Variants in CIB3 observed in about 807,000 individuals in gnomAD.
CIB3 encodes calcium and integrin-binding family member 3.
CIB3 carries 22 observed loss-of-function variants against 23.4 expected under a neutral mutation model. The ratio of observed to expected loss-of-function variants is 0.94; its 90% CI spans 0.67 to 1.34. CIB3 has a LOEUF of 1.34. Among genes scored for constraint, CIB3 ranks in the 40% most tolerant of loss-of-function variants. The pLI, the probability that CIB3 is intolerant of heterozygous loss-of-function variation, is 0.00. For synonymous variants in CIB3, 93 were observed against 95.8 expected (o/e 0.97, Z 0.17); for missense variants, 258 against 247.3 (o/e 1.04, Z -0.29).
intron 2 of CIB3, among the ~76,000 whole-genome samples, chr19:16,169,956 C>T (rs926501957): frequency 4.6e-5 from 7 of 152,146 alleles, no homozygotes; most frequent in African/African-American, 1.4e-4. Flanking sequence ...CACCCTGCCA[C>T]GCCCGGCTAA....
At chr19:16,169,923 C>T (rs548073715) in intron 2 of CIB3, among the ~76,000 whole-genome samples, 182 bp from the exon 3 acceptor site, 3 of 152,184 alleles carry the variant, frequency 2.0e-5, no homozygotes, top group Non-Finnish European at 4.4e-5. Flanking sequence ...CCTCAGCCTC[C>T]CAAGTAGCTG....
At chr19:16,171,195 G>GA (rs568905581) in intron 2 of CIB3, among the ~76,000 whole-genome samples, 5 of 150,978 alleles carry the variant, frequency 3.3e-5, no homozygotes, top group Non-Finnish European at 5.9e-5. Flanking sequence ...AAGAAAGAAA[G>GA]AAAAAAAAGG....
Position 16,168,124 on chromosome 19 carries a change from G to A in CIB3, c.346+13C>T, listed in dbSNP as rs1360296475. On this transcript the variant is annotated intron_variant, in intron 4 of 5. Transcript: ENST00000269878. ...CATCCCCATGCTTCCCAACCCCAGGGCCACGCACGCACCATAAATTTTAAA... is the reference window on the plus strand; with the variant it reads ...CATCCCCATGCTTCCCAACCCCAGGACCACGCACGCACCATAAATTTTAAA... The A allele has an allele frequency of 6.3e-7, 1 of 1,599,242 alleles. No individual in the cohort carries two copies. The highest frequency in any genetic ancestry group is 1.7e-5 in the Admixed American group (1 of 57,652).
chr19:16,172,881 G>A (rs1017040598), intron 2 of CIB3, among the ~76,000 whole-genome samples: 1 of 151,298 alleles, frequency 6.6e-6, no homozygotes, highest in East Asian at 1.9e-4. Flanking sequence ...GACCTTGGGA[G>A]ATCGAGCCTG....
intron 2 of CIB3, among the ~76,000 whole-genome samples, chr19:16,170,376 T>C (rs2091322911): frequency 6.6e-6 from 1 of 151,866 alleles, no homozygotes. Flanking sequence ...GCAGATGGAG[T>C]TGGGAGAAGG....
At chr19:16,164,640 A>G (rs2091297687) in intron 5 of CIB3, 78 bp downstream of exon 5, 1 of 1,333,508 alleles carries the variant, frequency 7.5e-7, no homozygotes, top group South Asian at 1.3e-5. Flanking sequence ...AATTTTCAGA[A>G]ACAGAGTCTG....
intron 4 of CIB3, among the ~76,000 whole-genome samples, chr19:16,165,222 G>A (rs918505509): frequency 2.0e-5 from 3 of 150,228 alleles, no homozygotes; most frequent in Admixed American, 2.0e-4. Flanking sequence ...GAGCCCGGGA[G>A]GTGGAGGTTG....
At chr19:16,171,931 T>G (rs1251690523) in intron 2 of CIB3, among the ~76,000 whole-genome samples, 1 of 152,192 alleles carries the variant, frequency 6.6e-6, no homozygotes, top group Non-Finnish European at 1.5e-5. Flanking sequence ...GTTTCATAGC[T>G]CCAAGTTCAT....
chr19:16,161,627 G>A, intron 5 of CIB3, 141 bp from the exon 6 acceptor site: 1 of 790,800 alleles, frequency 1.3e-6, no homozygotes, highest in South Asian at 1.5e-5. Flanking sequence ...CCTAGGCCGG[G>A]AGACCCCTAC....
At chr19:16,169,561 C>A (rs769656741) in intron 3 of CIB3, 69 bp downstream of exon 3, 3 of 1,370,868 alleles carry the variant, frequency 2.2e-6, no homozygotes, top group Non-Finnish European at 3.1e-6. Context: ...GCAGCACTGA[C>A]CTCAGAGGAA....
chr19:16,162,018 G>T (rs1268362432), intron 5 of CIB3, among the ~76,000 whole-genome samples: 1 of 151,758 alleles, frequency 6.6e-6, no homozygotes, highest in Non-Finnish European at 1.5e-5. Flanking sequence ...CTAGAAGAAG[G>T]ATACTGAATG....
intron 5 of CIB3, among the ~76,000 whole-genome samples, chr19:16,163,510 G>T (rs564859641): frequency 6.6e-6 from 1 of 152,166 alleles, no homozygotes; most frequent in Admixed American, 6.6e-5. Flanking sequence ...AGCTGAGATT[G>T]CACCACTGCA....
chr19:16,173,255 C>A (rs539623242), intron 1 of CIB3, 59 bp from the exon 2 acceptor site: 2 of 1,610,880 alleles, frequency 1.2e-6, no homozygotes, highest in African/African-American at 1.3e-5. Flanking sequence ...CTCCCACGGC[C>A]TCCTCCCTCC....
At chr19:16,163,971 A>G (rs965945846) in intron 5 of CIB3, among the ~76,000 whole-genome samples, 1 of 152,036 alleles carries the variant, frequency 6.6e-6, no homozygotes, top group African/African-American at 2.4e-5. Flanking sequence ...AAAAATTTTT[A>G]ATGTGTTTAT....
At chr19:16,166,974 G>C (rs1192484674) in intron 4 of CIB3, among the ~76,000 whole-genome samples, 2 of 152,180 alleles carry the variant, frequency 1.3e-5, no homozygotes, top group African/African-American at 4.8e-5. Flanking sequence ...CCAGCACTTT[G>C]GGAGGCTGAG....
intron 4 of CIB3, 94 bp downstream of exon 4, chr19:16,168,043 C>T: frequency 1.3e-6 from 2 of 1,487,844 alleles, no homozygotes; most frequent in South Asian, 1.3e-5. Context: ...GCCTCAAAAC[C>T]CCTGGGGAGA....
At chr19:16,173,280 C>T in intron 1 of CIB3, 84 bp from the exon 2 acceptor site, 1 of 1,602,546 alleles carries the variant, frequency 6.2e-7, no homozygotes, top group South Asian at 1.1e-5. Flanking sequence ...CACACTCACA[C>T]AGATGGCCTG....
chr19:16,172,228 C>T (rs1372613550), intron 2 of CIB3, among the ~76,000 whole-genome samples: 1 of 152,188 alleles, frequency 6.6e-6, no homozygotes, highest in Non-Finnish European at 1.5e-5. Context: ...GATCTCGGCT[C>T]ACTGCAACCT....
chr19:16,163,749 T>A (rs2091294564), intron 5 of CIB3, among the ~76,000 whole-genome samples: 1 of 152,200 alleles, frequency 6.6e-6, no homozygotes, highest in Admixed American at 6.6e-5. Context: ...AATTTGGGGT[T>A]CAGCAAACCT....
Sources: allele counts gnomAD v4.1 joint callset (sites outside exome capture counted in the v4.1 genomes callset), GRCh38; gene constraint gnomAD v4.1.1; transcripts MANE v1.5; gene names NCBI Gene and HGNC (gene_info 2026-07-23, HGNC 2026-07-21).